The following DFFB variants were observed in gnomAD, a reference collection of about 807,000 sequenced individuals.
DFFB encodes the protein DNA fragmentation factor 40 kDa subunit.
A neutral mutation model predicts 32.7 loss-of-function variants in DFFB; 29 were observed. That is an observed-to-expected ratio of 0.89 (90% CI 0.66 to 1.21). The LOEUF (loss-of-function observed/expected upper bound fraction) is 1.21. Ranked by LOEUF, DFFB falls within the 50% of genes most tolerant of loss-of-function variation. The pLI is 0.00. For synonymous variants in DFFB, 170 were observed against 177.1 expected (o/e 0.96, Z 0.32); for missense variants, 398 against 440.6 (o/e 0.90, Z 0.87).
intron 1 of DFFB, among the ~76,000 whole-genome samples, chr1:3,858,345 AC>A (rs1644801404): frequency 6.6e-6 from 1 of 152,142 alleles, no homozygotes; most frequent in South Asian, 2.1e-4. Context: ...GTGTGCCAGC[AC>A]CGCTCTGGCG....
intron 6 of DFFB, chr1:3,872,966 G>A (rs1369784535): frequency 4.0e-6 from 5 of 1,246,474 alleles, no homozygotes; most frequent in East Asian, 1.1e-4. Flanking sequence ...GGGAGCTCCT[G>A]GTGTTATGAT....
intron 1 of DFFB, among the ~76,000 whole-genome samples, chr1:3,858,295 G>C (rs1331180107): frequency 6.6e-6 from 1 of 152,186 alleles, no homozygotes; most frequent in African/African-American, 2.4e-5. Flanking sequence ...GCCACGTGCC[G>C]GTCACACTTG....
chr1:3,858,672 C>T (rs370380322), intron 1 of DFFB, 46 bp from the exon 2 acceptor site: 7 of 1,599,166 alleles, frequency 4.4e-6, no homozygotes, highest in Non-Finnish European at 3.4e-6. Context: ...GCAAAGCCCT[C>T]GTCTTGAGAC....
chr1:3,869,698 T>A lies in DFFB; in HGVS notation c.604T>A (p.Tyr202Asn), dbSNP rs1645072590. Reference protein sequence around the residue: ...SMCQRLRSMQYNGSYFDRGAK... With the variant: ...SMCQRLRSMQNNGSYFDRGAK... Reference sequence around the variant, plus strand: ...GTGCCAGAGGCTCCGGTCCATGCAGTACAATGGCAGCTACTTCGACAGAGG... The same window carrying A: ...GTGCCAGAGGCTCCGGTCCATGCAGAACAATGGCAGCTACTTCGACAGAGG... Residue 202 changes from tyrosine (Y) to asparagine (N), a missense_variant, in exon 5 of 7, where the codon TAC becomes AAC. Physicochemically the swap from Tyr to Asn is moderately radical, Grantham distance 143. Coordinates refer to ENST00000378209, the MANE Select transcript of DFFB (RefSeq NM_004402.4). 2 of 1,612,992 alleles carry A rather than the reference T, an allele frequency of 1.2e-6. No homozygotes were observed. Among genetic ancestry groups the A allele is most frequent in the Admixed American group, 3.3e-5 (2 of 59,986 alleles).
intron 6 of DFFB, among the ~76,000 whole-genome samples, chr1:3,873,477 ATTT>A (rs201543955): frequency 0.12 from 16,306 of 138,756 alleles, 899 homozygotes; most frequent in Non-Finnish European, 0.13. Flanking sequence ...AGGATTTGGG[ATTT>A]TTTTTTTTTT....
chr1:3,858,515 G>A (rs1199742574), intron 1 of DFFB, among the ~76,000 whole-genome samples: 1 of 152,216 alleles, frequency 6.6e-6, no homozygotes, highest in East Asian at 1.9e-4. Flanking sequence ...CTGACTCTTC[G>A]TATTTTAGAA....
Position 3,869,643 on chromosome 1 carries a change from G to T in DFFB, c.549G>T (p.Gln183His). 6.2e-7 allele frequency: 1 copy of T among 1,613,532 alleles called. No homozygotes were observed. Among genetic ancestry groups the T allele is most frequent in the Non-Finnish European group, 8.5e-7 (1 of 1,179,836 alleles). Residue 183 changes from glutamine to histidine, a missense_variant, in exon 5 of 7, where the codon CAG becomes CAT. Gln to His is a conservative substitution (Grantham distance 24). Coordinates refer to ENST00000378209, the MANE Select transcript of DFFB (RefSeq NM_004402.4). The part of the protein sequence containing the change: ...SYPSTVGAEA[Q>H]EEFLRVLGSM... ...CCTCCACGGTGGGTGCGGAGGCTCA[G>T]GAGGAATTCCTGCGGGTCCTCGGCT...
chr1:3,862,224 A>C (rs1365048937), intron 2 of DFFB, among the ~76,000 whole-genome samples: 1 of 152,268 alleles, frequency 6.6e-6, no homozygotes, highest in African/African-American at 2.4e-5. Flanking sequence ...AGTTTTGAAT[A>C]AATGGATTAA....
chr1:3,861,231 C>T (rs985687607), intron 2 of DFFB, among the ~76,000 whole-genome samples: 1 of 151,686 alleles, frequency 6.6e-6, no homozygotes, highest in African/African-American at 2.4e-5. Context: ...TTTTTCACTC[C>T]ACATAAGGCT....
At position 3,865,747 on chromosome 1, in the gene DFFB, TTG is replaced by T. The variant is rs1557712162; in HGVS notation, c.242-62_242-61del. On this transcript the variant is annotated intron_variant, in intron 2 of 6. Coordinates refer to ENST00000378209, the MANE Select transcript of DFFB (RefSeq NM_004402.4). This position sits in a 1 kb window ranked among gnomAD's most constrained non-coding sequence, Gnocchi z 4.7. ...GGGAAGATGTGGTCAGAGGCTCTTCTTGTGACCGGGGCAGGATGTGTCTTCTG... is the reference window on the plus strand; with the variant it reads ...GGGAAGATGTGGTCAGAGGCTCTTCTTGACCGGGGCAGGATGTGTCTTCTG... 6.2e-7 allele frequency: 1 copy of T among 1,613,624 alleles called. No homozygotes were observed. Among genetic ancestry groups the T allele is most frequent in the South Asian group, 1.1e-5 (1 of 91,058 alleles).
intron 6 of DFFB, among the ~76,000 whole-genome samples, chr1:3,877,509 T>C (rs962477461): frequency 1.3e-5 from 2 of 151,844 alleles, no homozygotes; most frequent in Admixed American, 1.3e-4. Flanking sequence ...TTTGTACTTT[T>C]GGTAGAGACG....
At chr1:3,871,935 A>T (rs12731872) in intron 5 of DFFB, among the ~76,000 whole-genome samples, 1 of 151,884 alleles carries the variant, frequency 6.6e-6, no homozygotes, top group Non-Finnish European at 1.5e-5. Context: ...GCCAGATCTC[A>T]GGAGGACTCA....
chr1:3,882,293 G>C (rs1050848005), intron 6 of DFFB, among the ~76,000 whole-genome samples: 1 of 151,994 alleles, frequency 6.6e-6, no homozygotes, highest in East Asian at 1.9e-4. Flanking sequence ...GGCCTCAAGT[G>C]ATCACCCACC....
chr1:3,873,833 A>C (rs1178890233), intron 6 of DFFB, among the ~76,000 whole-genome samples: 13 of 152,180 alleles, frequency 8.5e-5, no homozygotes, highest in Admixed American at 8.5e-4. Context: ...TAAATATTCC[A>C]AAATCCTAAA....
intron 1 of DFFB, among the ~76,000 whole-genome samples, chr1:3,858,096 C>T (rs1360674988): frequency 6.6e-6 from 1 of 152,208 alleles, no homozygotes; most frequent in African/African-American, 2.4e-5. Context: ...TCTGCAGGCC[C>T]CTTCCAGCCC....
chr1:3,866,029 G>C, intron 3 of DFFB, 29 bp downstream of exon 3: 3 of 1,513,730 alleles, frequency 2.0e-6, no homozygotes, highest in Non-Finnish European at 2.7e-6. Context: ...TGGCAGGGGA[G>C]AGGCTTCTTT....
intron 6 of DFFB, among the ~76,000 whole-genome samples, chr1:3,879,840 C>T (rs541223072): frequency 4.6e-5 from 7 of 152,268 alleles, no homozygotes; most frequent in Non-Finnish European, 1.0e-4. Context: ...CTTCATAAAA[C>T]GAGCCTTTTT....
chr1:3,865,626 T>A lies in DFFB; in HGVS notation c.242-186T>A. The A allele has an allele frequency of 1.2e-6, 1 of 846,312 alleles. No homozygotes were observed. The allele number at this position is 846,312 out of a possible 1,614,324, so 52.4% of individuals were successfully genotyped here. On this transcript the variant is annotated intron_variant, in intron 2 of 6. Transcript: ENST00000378209. This position sits in a 1 kb window ranked among gnomAD's most constrained non-coding sequence, Gnocchi z 4.7. ...TCCCTCCTCTGTCCTCATGCCGCCC[T>A]TGTGCGTGGTCCCCAGCTGTTGGTG...
intron 4 of DFFB, among the ~76,000 whole-genome samples, chr1:3,868,754 C>T (rs1175939820): frequency 2.7e-5 from 3 of 109,838 alleles, no homozygotes; most frequent in African/African-American, 1.0e-4. Flanking sequence ...ATCATTAGCA[C>T]ATGGAGGGTG....
Sources: gnomAD v4.1 joint callset for allele counts (sites outside exome capture counted in the v4.1 genomes callset) on GRCh38, gnomAD v4.1.1 for gene constraint, Gnocchi (gnomAD v3.1) non-coding constraint, MANE v1.5 for transcripts, NCBI Gene and HGNC (gene_info 2026-07-23, HGNC 2026-07-21) for gene names.